The following ASXL1 variants were observed in gnomAD, a reference collection of about 807,000 sequenced individuals.
ASXL1 encodes the protein ASXL transcriptional regulator 1.
Under a neutral mutation model 89.1 loss-of-function variants are expected in ASXL1, and 65 were observed. That is an observed-to-expected ratio of 0.73 (90% CI 0.60 to 0.90). The LOEUF (loss-of-function observed/expected upper bound fraction) is 0.90, where lower values mean the gene tolerates loss of function less well. ASXL1 is among the 40% of genes least tolerant of loss of function. ASXL1 has a pLI of 0.00. For synonymous variants in ASXL1, 739 were observed against 746.9 expected (o/e 0.99, Z 0.17); for missense variants, 1,786 against 1,942.9 (o/e 0.92, Z 1.52).
chr20:32,373,206 G>A (rs1350496941), intron 4 of ASXL1, among the ~76,000 whole-genome samples: 3 of 151,466 alleles, frequency 2.0e-5, no homozygotes, highest in Non-Finnish European at 4.4e-5. Flanking sequence ...GCGAAACCCC[G>A]TCTCTACGAA....
intron 4 of ASXL1, among the ~76,000 whole-genome samples, chr20:32,414,786 TA>T (rs1185180056): frequency 6.6e-6 from 1 of 152,160 alleles, no homozygotes; most frequent in Non-Finnish European, 1.5e-5. Flanking sequence ...TAGATGCTTT[TA>T]GGGGATCCTC....
chr20:32,379,729 G>A (rs1208390095), intron 4 of ASXL1, among the ~76,000 whole-genome samples: 1 of 151,850 alleles, frequency 6.6e-6, no homozygotes, highest in African/African-American at 2.4e-5. Context: ...GGGAGGCTGA[G>A]GCAGGAGAAT....
At position 32,368,999 on chromosome 20, in the gene ASXL1, T is replaced by C; in HGVS notation, c.144-16T>C. ...TGGATTGTATAACCCTCATCCATTC[T>C]TTTGTGGTTTTACAGTGGGACTTCC... On this transcript the variant is annotated splice_polypyrimidine_tract_variant and intron_variant, in intron 3 of 12. Transcript: ENST00000375687. 1 of 1,589,708 alleles carries C rather than the reference T, an allele frequency of 6.3e-7. No homozygotes were observed. The highest frequency in any genetic ancestry group is 1.1e-5 in the South Asian group (1 of 90,604).
Position 32,435,624 on chromosome 20 carries a change from AT to A in ASXL1, c.2913del (p.Asn971LysfsTer13). The A allele has an allele frequency of 6.2e-7, 1 of 1,614,128 alleles. No individual in the cohort carries two copies. The highest frequency in any genetic ancestry group is 8.5e-7 in the Non-Finnish European group (1 of 1,180,038). ...CCATCTCGAGGAGGCAGTGACAGCA[AT>A]GGCAGTTACTGTCAACAGGTGGACA... ...TVPSRGGSDS[N>X]GSYCQQVDIE... is the part of the protein sequence containing the mutation. On this transcript the variant is annotated frameshift_variant, in exon 13 of 13. Transcript: ENST00000375687. LOFTEE classifies it low-confidence loss of function (END_TRUNC).
intron 4 of ASXL1, among the ~76,000 whole-genome samples, chr20:32,414,617 T>G (rs995701421): frequency 2.0e-5 from 3 of 152,238 alleles, no homozygotes; most frequent in Non-Finnish European, 4.4e-5. Flanking sequence ...TATTTATCTT[T>G]GTTTCCTTTC....
At chr20:32,418,999 A>T (rs535981240) in intron 4 of ASXL1, among the ~76,000 whole-genome samples, 181 of 151,510 alleles carry the variant, frequency 1.2e-3, no homozygotes, top group Non-Finnish European at 2.1e-3. Context: ...TGTCTGGCTA[A>T]TTATTGTATT....
At chr20:32,412,532 T>G (rs1240743871) in intron 4 of ASXL1, among the ~76,000 whole-genome samples, 3 of 152,178 alleles carry the variant, frequency 2.0e-5, no homozygotes, top group Non-Finnish European at 4.4e-5. Context: ...TCACAACCAC[T>G]TCCTCTTTTT....
At chr20:32,369,832 A>T (rs2048270326) in intron 4 of ASXL1, among the ~76,000 whole-genome samples, 1 of 150,288 alleles carries the variant, frequency 6.7e-6, no homozygotes, top group African/African-American at 2.5e-5. Context: ...AGGTTCAAGC[A>T]ATTCTTCTGC....
At chr20:32,434,273 T>G in intron 12 of ASXL1, 159 bp from the exon 13 acceptor site, 1 of 946,714 alleles carries the variant, frequency 1.1e-6, no homozygotes, top group Non-Finnish European at 1.6e-6. Flanking sequence ...GAATGGTGTG[T>G]TATGGCGCCA....
chr20:32,366,848 T>G (rs1600471680), intron 2 of ASXL1, among the ~76,000 whole-genome samples: 2 of 152,194 alleles, frequency 1.3e-5, no homozygotes, highest in Non-Finnish European at 2.9e-5. Flanking sequence ...TTCTTTCTTT[T>G]AGAATAAAAG....
chr20:32,398,045 G>A (rs1397342852), intron 4 of ASXL1, among the ~76,000 whole-genome samples: 1 of 152,142 alleles, frequency 6.6e-6, no homozygotes, highest in Non-Finnish European at 1.5e-5. Context: ...TAGCCTTATA[G>A]TATCTAGTTA....
At chr20:32,372,072 T>A in intron 4 of ASXL1, 1 of 1,332,156 alleles carries the variant, frequency 7.5e-7, no homozygotes, top group East Asian at 4.1e-5. Context: ...TGAGTTTTAT[T>A]TGTGTTTGTA....
intron 1 of ASXL1, chr20:32,359,376 T>C (rs1333397888): frequency 2.8e-6 from 2 of 702,528 alleles, no homozygotes; most frequent in Non-Finnish European, 2.6e-6. Flanking sequence ...GCTTGAACCC[T>C]GAGCAGCGGT....
intron 4 of ASXL1, among the ~76,000 whole-genome samples, chr20:32,422,164 CCACCGCGCCCGGCCGAGAGGGGTGGTTT>C (rs1044530928): frequency 1.5e-4 from 23 of 149,112 alleles, no homozygotes; most frequent in African/African-American, 5.4e-4. Context: ...CAGGTGTGAG[CCACCGCGCCCGGCCGAGAGGGGTGGTTT>C]CAAATGGGGG....
intron 4 of ASXL1, among the ~76,000 whole-genome samples, chr20:32,376,368 G>A (rs960294095): frequency 1.3e-5 from 2 of 151,882 alleles, no homozygotes; most frequent in African/African-American, 2.4e-5. Context: ...TCTGCCTCCC[G>A]GGTTGAAGTG....
intron 4 of ASXL1, among the ~76,000 whole-genome samples, chr20:32,386,787 C>CTG (rs1167126246): frequency 2.2e-5 from 1 of 45,906 alleles, no homozygotes; most frequent in Admixed American, 3.2e-4. Context: ...ACCTCTCTCT[C>CTG]TCTTTTTTTT....
intron 4 of ASXL1, among the ~76,000 whole-genome samples, chr20:32,410,338 C>T (rs780230439): frequency 1.5e-4 from 23 of 152,006 alleles, no homozygotes; most frequent in East Asian, 3.9e-4. Flanking sequence ...GGTCTTACAC[C>T]GTTGCCCAGC....
At chr20:32,418,853 G>T (rs147765841) in intron 4 of ASXL1, among the ~76,000 whole-genome samples, 1 of 70,936 alleles carries the variant, frequency 1.4e-5, no homozygotes, top group Non-Finnish European at 2.5e-5. Flanking sequence ...TTTTTTTTGA[G>T]ACGGAGTCTT....
At chr20:32,368,946 G>T in intron 3 of ASXL1, 69 bp from the exon 4 acceptor site, 1 of 1,303,510 alleles carries the variant, frequency 7.7e-7, no homozygotes, top group South Asian at 1.2e-5. Flanking sequence ...AGAATGAGTT[G>T]GAGGGATTAG....
Sources: allele counts gnomAD v4.1 joint callset (sites outside exome capture counted in the v4.1 genomes callset), GRCh38; gene constraint gnomAD v4.1.1; transcripts MANE v1.5; gene names NCBI Gene and HGNC (gene_info 2026-07-23, HGNC 2026-07-21).